DAG1: variants seen among roughly 807,000 people sequenced by gnomAD.
DAG1 encodes dystroglycan 1.
A neutral mutation model predicts 46.1 loss-of-function variants in DAG1; 8 were observed. That is an observed-to-expected ratio of 0.17 (90% CI 0.10 to 0.31). DAG1 has a LOEUF of 0.31. DAG1 is among the 10% of genes least tolerant of loss of function. The pLI is 1.00. For missense variants in DAG1, 1,003 were observed against 1,189.9 expected (o/e 0.84, Z 2.31); for synonymous variants, 495 against 481.8 (o/e 1.03, Z -0.36).
chr3:49,504,472 T>TACCAA (rs2050541378), intron 1 of DAG1, among the ~76,000 whole-genome samples: 5 of 152,196 alleles, frequency 3.3e-5, no homozygotes, highest in Admixed American at 6.5e-5. Context: ...TTTGCATTGT[T>TACCAA]GTCAAAAATC....
At position 49,532,962 on chromosome 3, in the gene DAG1, C is replaced by T. The variant is rs886042761; in HGVS notation, c.2451C>T (p.Leu817=). 1.2e-6 allele frequency: 2 copies of T among 1,614,104 alleles called. No homozygotes were observed. The highest frequency in any genetic ancestry group is 1.7e-6 in the Non-Finnish European group (2 of 1,179,996). Residue 817 remains leucine, a synonymous_variant, in exon 3 of 3, where the codon CTC becomes CTT. Coordinates refer to ENST00000308775, the MANE Select transcript of DAG1 (RefSeq NM_004393.6). The surrounding 1 kb of genome is among the most constrained non-coding windows in gnomAD (Gnocchi z 5.4). ...SKPPPSSSMP[L]ILQEEKAPLP... Reference sequence around the variant, plus strand: ...CCCCACCCTCCTCCAGCATGCCACTCATTCTGCAGGAGGAGAAGGCTCCCC... The same window carrying T: ...CCCCACCCTCCTCCAGCATGCCACTTATTCTGCAGGAGGAGAAGGCTCCCC...
chr3:49,531,480 C>T lies in DAG1; in HGVS notation c.969C>T (p.Ala323=). 6.2e-7 allele frequency: 1 copy of T among 1,613,936 alleles called. No individual in the cohort carries two copies. Among genetic ancestry groups the T allele is most frequent in the Admixed American group, 1.7e-5 (1 of 60,018 alleles). ...ATGCTACACCCACACCTGTCACTGCCATTGGGCCCCCAACCACGGCTATCC... is the reference window on the plus strand; with the variant it reads ...ATGCTACACCCACACCTGTCACTGCTATTGGGCCCCCAACCACGGCTATCC... ...QIHATPTPVT[A]IGPPTTAIQE... The change falls in exon 3 of 3, where the codon GCC becomes GCT. Residue 323 remains alanine (A), a synonymous_variant. Coordinates refer to ENST00000308775, the MANE Select transcript of DAG1 (RefSeq NM_004393.6). This position sits in a 1 kb window ranked among gnomAD's most constrained non-coding sequence, Gnocchi z 7.0.
chr3:49,502,336 A>G (rs1338457659), intron 1 of DAG1, among the ~76,000 whole-genome samples: 2 of 152,222 alleles, frequency 1.3e-5, no homozygotes, highest in Non-Finnish European at 2.9e-5. Flanking sequence ...ACTGATGCCC[A>G]TAGGGCTCCT....
chr3:49,528,002 A>G (rs1474255327), intron 2 of DAG1, among the ~76,000 whole-genome samples: 7 of 152,098 alleles, frequency 4.6e-5, no homozygotes, highest in Non-Finnish European at 7.4e-5. Context: ...GAGTTAGGAA[A>G]TAACCCTCAG....
At chr3:49,499,089 T>A (rs2050381948) in intron 1 of DAG1, among the ~76,000 whole-genome samples, 1 of 152,198 alleles carries the variant, frequency 6.6e-6, no homozygotes, top group Admixed American at 6.5e-5. Context: ...GCGTAGCTAT[T>A]TGGGAGTAGG....
intron 2 of DAG1, among the ~76,000 whole-genome samples, chr3:49,512,545 C>A (rs1380373514): frequency 6.6e-6 from 1 of 151,800 alleles, no homozygotes; most frequent in African/African-American, 2.4e-5. Context: ...GTGCGCACCA[C>A]CATGCCCGGC....
At chr3:49,469,341 C>G (rs757082824), upstream of DAG1, among the ~76,000 whole-genome samples, 3 of 152,178 alleles carry the variant, frequency 2.0e-5, no homozygotes, top group Non-Finnish European at 4.4e-5. Flanking sequence ...CAGACCCATC[C>G]GGTAACTGTC....
At chr3:49,510,211 C>G in intron 1 of DAG1, 1 of 487,150 alleles carries the variant, frequency 2.1e-6, no homozygotes, top group Non-Finnish European at 3.6e-6. Context: ...TTTTCAAAAT[C>G]CAGTGTATAT....
Position 49,533,289 on chromosome 3 carries a change from G to A in DAG1, c.*90G>A, listed in dbSNP as rs773108390. 1 of 1,567,566 alleles carries A rather than the reference G, an allele frequency of 6.4e-7. No individual in the cohort carries two copies. Among genetic ancestry groups the A allele is most frequent in the Admixed American group, 1.8e-5 (1 of 55,762 alleles). On this transcript the variant is annotated 3_prime_UTR_variant, in exon 3 of 3. Coordinates refer to ENST00000308775, the MANE Select transcript of DAG1 (RefSeq NM_004393.6). ...GGAGACCGGTGGCCTGCAGACCATT[G>A]CCCACCGGGAGCCGACACCTGACCT...
At chr3:49,517,645 T>G (rs1441347984) in intron 2 of DAG1, among the ~76,000 whole-genome samples, 1 of 152,170 alleles carries the variant, frequency 6.6e-6, no homozygotes, top group Non-Finnish European at 1.5e-5. Flanking sequence ...AGTTCTGGCT[T>G]TTGGAATGAA....
chr3:49,474,790 T>A lies in DAG1; in HGVS notation c.-117+4357T>A, dbSNP rs539484045. On this transcript the variant is annotated intron_variant, in intron 1 of 2. Transcript: ENST00000308775. ...GAGCCACCATGCCTGGCCTTTTTTT[T>A]AAAATTAATTAATTAATTAGTTTTT... Among the ~76,000 whole-genome samples the A allele has an allele frequency of 6.6e-4, 98 of 148,842 alleles. 1 individual carries two copies. Among genetic ancestry groups the A allele is most frequent in the African/African-American group, 1.7e-3 (71 of 40,758 alleles).
At chr3:49,529,210 G>T (rs1038968730) in intron 2 of DAG1, among the ~76,000 whole-genome samples, 2 of 151,082 alleles carry the variant, frequency 1.3e-5, no homozygotes, top group African/African-American at 4.9e-5. Context: ...TTTTTTTTTT[G>T]AAATAGAGAT....
intron 1 of DAG1, among the ~76,000 whole-genome samples, chr3:49,509,676 G>A (rs1333803787): frequency 2.0e-5 from 3 of 152,128 alleles, no homozygotes; most frequent in Non-Finnish European, 4.4e-5. Flanking sequence ...TTTCCTGGTA[G>A]CCACATGAAG....
chr3:49,480,225 T>C (rs1339199394), intron 1 of DAG1, among the ~76,000 whole-genome samples: 1 of 150,758 alleles, frequency 6.6e-6, no homozygotes, highest in Non-Finnish European at 1.5e-5. Flanking sequence ...GTGCTGGGAT[T>C]ACAGGCGTGA....
chr3:49,504,126 C>A (rs2050531349), intron 1 of DAG1, among the ~76,000 whole-genome samples: 1 of 152,138 alleles, frequency 6.6e-6, no homozygotes, highest in Non-Finnish European at 1.5e-5. Flanking sequence ...CTTTTATAGC[C>A]ACATCTACCT....
rs142406476 is a variant in DAG1 at position 49,531,612 on chromosome 3, G to A, written c.1101G>A (p.Thr367=). ...PVRDPVPGKP[T]VTIRTRGAII... Reference sequence around the variant, plus strand: ...GGGATCCTGTTCCTGGGAAACCCACGGTCACCATCCGGACTCGAGGCGCCA... The same window carrying A: ...GGGATCCTGTTCCTGGGAAACCCACAGTCACCATCCGGACTCGAGGCGCCA... Residue 367 remains threonine, a synonymous_variant, in exon 3 of 3, where the codon ACG becomes ACA. Coordinates refer to ENST00000308775, the MANE Select transcript of DAG1 (RefSeq NM_004393.6). The surrounding 1 kb of genome is among the most constrained non-coding windows in gnomAD (Gnocchi z 7.0). 17 of 1,612,680 alleles carry A rather than the reference G, an allele frequency of 1.1e-5. No homozygotes were observed. The African/African-American group carries it at 1.7e-4, about 16-fold the overall frequency.
chr3:49,530,748 G>A lies in DAG1; in HGVS notation c.286-49G>A, dbSNP rs115435316. On this transcript the variant is annotated intron_variant, in intron 2 of 2. Transcript: ENST00000308775. ...GGTTAACTGTTGTGATCATATTCAG[G>A]TTATGCAGTGACAATAGTATTTTTA... 48,607 of 1,613,460 alleles carry A rather than the reference G, an allele frequency of 0.03. 859 individuals are homozygous for A. Among genetic ancestry groups the A allele is most frequent in the Middle Eastern group, 0.062 (370 of 6,008 alleles).
At chr3:49,488,075 G>T (rs1671380921) in intron 1 of DAG1, among the ~76,000 whole-genome samples, 1 of 152,018 alleles carries the variant, frequency 6.6e-6, no homozygotes, top group Non-Finnish European at 1.5e-5. Flanking sequence ...ATCATGTTTT[G>T]ATTCATTAGT....
chr3:49,510,377 T>A, intron 1 of DAG1, 42 bp from the exon 2 acceptor site: 1 of 722,604 alleles, frequency 1.4e-6, no homozygotes. Flanking sequence ...ACTGAACCAC[T>A]GGAATTGCTC....
Sources: gnomAD v4.1 joint callset for allele counts (sites outside exome capture counted in the v4.1 genomes callset) on GRCh38, gnomAD v4.1.1 for gene constraint, Gnocchi (gnomAD v3.1) non-coding constraint, MANE v1.5 for transcripts, NCBI Gene and HGNC (gene_info 2026-07-23, HGNC 2026-07-21) for gene names.